The following COL3A1 variants were observed in gnomAD, a reference collection of about 807,000 sequenced individuals.
COL3A1 encodes collagen alpha-1(III) chain.
Under a neutral mutation model 200.9 loss-of-function variants are expected in COL3A1, and 46 were observed. The observed-to-expected ratio is 0.23, with a 90% CI of 0.18 to 0.29. The LOEUF is 0.29. COL3A1 is among the 10% of genes least tolerant of loss of function. The pLI is 1.00. For missense variants in COL3A1, 1,367 were observed against 1,917.6 expected (o/e 0.71, Z 5.36); for synonymous variants, 650 against 628.0 (o/e 1.03, Z -0.52).
At position 188,990,117 on chromosome 2, in the gene COL3A1, C is replaced by T. The variant is rs1393544920; in HGVS notation, c.712C>T (p.Arg238Ter). The T allele has an allele frequency of 6.2e-7, 1 of 1,613,628 alleles. No individual in the cohort carries two copies. The highest frequency in any genetic ancestry group is 8.5e-7 in the Non-Finnish European group (1 of 1,179,690). Residue 238 changes from arginine to a stop codon, truncating the protein, a stop_gained, in exon 9 of 51, where the codon CGA becomes TGA. Coordinates refer to ENST00000304636, the MANE Select transcript of COL3A1 (RefSeq NM_000090.4). LOFTEE classifies it high-confidence loss of function. ...GKDGESGRPG[R>*]PGERGLPGPP... Reference sequence around the variant, plus strand: ...CTAGGGAGAATCAGGTAGACCCGGACGACCTGGAGAGCGAGGATTGCCTGG... The same window carrying T: ...CTAGGGAGAATCAGGTAGACCCGGATGACCTGGAGAGCGAGGATTGCCTGG...
intron 48 of COL3A1, among the ~76,000 whole-genome samples, chr2:189,009,720 A>C (rs1312818073): frequency 6.6e-6 from 1 of 152,192 alleles, no homozygotes; most frequent in Non-Finnish European, 1.5e-5. Flanking sequence ...TCAAGTTTTC[A>C]AATATCTTGA....
At chr2:188,986,046 A>G (rs928324795) in intron 4 of COL3A1, among the ~76,000 whole-genome samples, 12 of 152,036 alleles carry the variant, frequency 7.9e-5, no homozygotes, top group African/African-American at 2.9e-4. Flanking sequence ...TAGCATACAC[A>G]TTATGTTTAA....
At chr2:188,993,835 C>T (rs1037790372) in intron 16 of COL3A1, among the ~76,000 whole-genome samples, 14 of 152,070 alleles carry the variant, frequency 9.2e-5, no homozygotes, top group Non-Finnish European at 1.3e-4. Flanking sequence ...ATAATTTATA[C>T]GAAGTACATA....
rs1687948380 is a variant in COL3A1, at chr2:188,981,335, T to A, written c.80-3425T>A. Among the ~76,000 whole-genome samples, 5 of 151,434 alleles carry A rather than the reference T, an allele frequency of 3.3e-5. No individual in the cohort carries two copies. The South Asian group carries it at 1.0e-3, about 31-fold the overall frequency. On this transcript the variant is annotated intron_variant, in intron 1 of 50. Coordinates refer to ENST00000304636, the MANE Select transcript of COL3A1 (RefSeq NM_000090.4). ...AGATCCCAGCAAGGAGATGATTGAG[T>A]TTAATACATTGCTTGTGTGATCACA...
In COL3A1 at chr2:188,995,103, G is replaced by C; in HGVS notation, c.1509+4G>C. 6.2e-7 allele frequency: 1 copy of C among 1,614,014 alleles called. No individual in the cohort carries two copies. The highest frequency in any genetic ancestry group is 2.2e-5 in the East Asian group (1 of 44,878). ...AAATGGCATCCCAGGAGAAAAGGTA[G>C]ATAACTTTAGTTTCTATGTTCCTAA... On this transcript the variant is annotated splice_donor_region_variant and intron_variant, in intron 21 of 50. Transcript: ENST00000304636.
intron 1 of COL3A1, among the ~76,000 whole-genome samples, chr2:188,977,730 A>G (rs971055668): frequency 1.3e-5 from 2 of 152,026 alleles, no homozygotes; most frequent in Admixed American, 6.6e-5. Flanking sequence ...AGATATTTGA[A>G]TTTTCTTAAT....
At chr2:189,007,838 G>C (rs1177925828) in intron 45 of COL3A1, 47 bp from the exon 46 acceptor site, 2 of 1,603,088 alleles carry the variant, frequency 1.2e-6, no homozygotes, top group Admixed American at 3.3e-5. Flanking sequence ...CAGTTTCCCA[G>C]TGCTTTTTAA....
In COL3A1 at chr2:188,999,512, C is replaced by A; in HGVS notation, c.2164C>A (p.Pro722Thr). ...TGGGCCACCTGGTGCTGCTGGTACTCCTGGTCTGCAAGGAATGCCTGGAGA... is the reference window on the plus strand; with the variant it reads ...TGGGCCACCTGGTGCTGCTGGTACTACTGGTCTGCAAGGAATGCCTGGAGA... ...PPGPPGAAGT[P>T]GLQGMPGERG... The change falls in exon 31 of 51, where the codon CCT (proline) becomes ACT (threonine). Residue 722 changes from proline to threonine, a missense_variant. Pro to Thr is a conservative substitution (Grantham distance 38). This residue lies in a region of COL3A1 where 846 missense variants were observed against 1,147.9 expected (regional missense o/e 0.74). Transcript: ENST00000304636. 1 of 1,614,028 alleles carries A rather than the reference C, an allele frequency of 6.2e-7. No individual in the cohort carries two copies. Among genetic ancestry groups the A allele is most frequent in the Non-Finnish European group, 8.5e-7 (1 of 1,180,024 alleles).
intron 3 of COL3A1, among the ~76,000 whole-genome samples, 190 bp from the exon 4 acceptor site, chr2:188,985,475 A>C (rs1404333076): frequency 1.3e-5 from 2 of 152,020 alleles, no homozygotes; most frequent in Non-Finnish European, 2.9e-5. Flanking sequence ...GAAAATGTGT[A>C]GGTCAATATA....
intron 6 of COL3A1, 69 bp downstream of exon 6, chr2:188,988,203 A>G: frequency 7.4e-7 from 1 of 1,359,474 alleles, no homozygotes; most frequent in Non-Finnish European, 1.1e-6. Flanking sequence ...ATATTCTGCT[A>G]TAATTCAGCC....
At position 188,992,295 on chromosome 2, in the gene COL3A1, T is replaced by C. The variant is rs1303219228; in HGVS notation, c.996+67T>C. On this transcript the variant is annotated intron_variant, in intron 14 of 50. Transcript: ENST00000304636. Reference sequence around the variant, plus strand: ...AAGTTATGGATTGTGGATTATTTAATATTTTATATATGTATATACTCTTAG... The same window carrying C: ...AAGTTATGGATTGTGGATTATTTAACATTTTATATATGTATATACTCTTAG... 5.2e-6 allele frequency: 7 copies of C among 1,350,458 alleles called. No individual in the cohort carries two copies. In the African/African-American group the frequency reaches 1.0e-4, roughly 20 times the overall value. 83.7% of individuals were successfully genotyped at this position (1,350,458 alleles called of 1,614,324 possible).
chr2:188,991,837 A>G (rs111640048), intron 13 of COL3A1, 115 bp downstream of exon 13: 33 of 958,290 alleles, frequency 3.4e-5, no homozygotes, highest in African/African-American at 1.3e-4. Flanking sequence ...CTACAAAATT[A>G]TACTCAATGA....
intron 31 of COL3A1, 65 bp downstream of exon 31, chr2:188,999,642 A>C (rs951848032): frequency 6.5e-6 from 10 of 1,535,266 alleles, no homozygotes; most frequent in Non-Finnish European, 1.8e-6. Flanking sequence ...AAAAAGCAAC[A>C]CTCCTGGAAA....
intron 32 of COL3A1, among the ~76,000 whole-genome samples, chr2:189,000,232 G>T (rs1465785493): frequency 6.6e-6 from 1 of 152,122 alleles, no homozygotes; most frequent in Non-Finnish European, 1.5e-5. Flanking sequence ...AATATAGTAA[G>T]TACTCCTCAT....
chr2:189,011,212 T>C (rs1198375922), intron 50 of COL3A1, among the ~76,000 whole-genome samples: 1 of 152,238 alleles, frequency 6.6e-6, no homozygotes, highest in Non-Finnish European at 1.5e-5. Flanking sequence ...AATATCTGTT[T>C]TTTAAAATTT....
In COL3A1 at chr2:189,003,422, T is replaced by C. The variant is rs774245587; in HGVS notation, c.2565T>C (p.Gly855=). 4 of 1,613,854 alleles carry C rather than the reference T, an allele frequency of 2.5e-6. No homozygotes were observed. The African/African-American group carries it at 5.3e-5, about 22-fold the overall frequency. ...TCCATTTCATATAGGGTCCTCCTGGTCCCCAAGGTGTCAAAGGTGAACGTG... is the reference window on the plus strand; with the variant it reads ...TCCATTTCATATAGGGTCCTCCTGGCCCCCAAGGTGTCAAAGGTGAACGTG... ...PGGSGPAGPP[G]PQGVKGERGS... The change falls in exon 37 of 51, where the codon GGT becomes GGC. Residue 855 remains glycine (G), a synonymous_variant. Transcript: ENST00000304636.
At position 189,010,717 on chromosome 2, in the gene COL3A1, T is replaced by A; in HGVS notation, c.4081T>A (p.Ser1361Thr). 1.2e-6 allele frequency: 2 copies of A among 1,614,134 alleles called. No homozygotes were observed. Among genetic ancestry groups the A allele is most frequent in the Non-Finnish European group, 1.7e-6 (2 of 1,179,994 alleles). The change falls in exon 50 of 51, where the codon TCC becomes ACC. Residue 1361 changes from serine to threonine, a missense_variant. Around this residue, in one of 5 missense-constraint regions of COL3A1, gnomAD observed 846 missense variants for 1,147.9 expected, o/e 0.74. Coordinates refer to ENST00000304636, the MANE Select transcript of COL3A1 (RefSeq NM_000090.4). ...GCATCTGGCATTCCTTCGACTTCTC[T>A]CCAGCCGAGCTTCCCAGAACATCAC... is the stretch of plus-strand genomic sequence containing the variant. ...DVHLAFLRLL[S>T]SRASQNITYH... is the part of the protein sequence containing the mutation.
At chr2:188,996,321 C>CAT (rs1688316591) in intron 23 of COL3A1, 77 bp from the exon 24 acceptor site, 1 of 1,090,350 alleles carries the variant, frequency 9.2e-7, no homozygotes, top group Non-Finnish European at 1.4e-6. Flanking sequence ...CACACACACA[C>CAT]ACACACATAC....
intron 29 of COL3A1, 46 bp from the exon 30 acceptor site, chr2:188,999,239 T>C: frequency 6.6e-7 from 1 of 1,521,008 alleles, no homozygotes; most frequent in Middle Eastern, 2.0e-4. Context: ...GCTTTGTTTT[T>C]AGCTTTGGGT....
Sources: gnomAD v4.1 joint callset for allele counts (sites outside exome capture counted in the v4.1 genomes callset) on GRCh38, gnomAD v4.1.1 for gene constraint, gnomAD v4.1.1 regional missense constraint, MANE v1.5 for transcripts, NCBI Gene and HGNC (gene_info 2026-07-23, HGNC 2026-07-21) for gene names.